Variants in AFF3 observed in about 807,000 individuals in gnomAD.
AFF3 encodes ALF transcription elongation factor 3.
In AFF3, 32 loss-of-function variants were observed where a neutral mutation model predicts 129.7. That is an observed-to-expected ratio of 0.25 (90% CI 0.19 to 0.33). The LOEUF (loss-of-function observed/expected upper bound fraction) is 0.33, where lower values mean the gene tolerates loss of function less well. AFF3 is among the 10% of genes least tolerant of loss of function. The probability of loss-of-function intolerance (pLI) is 1.00; values close to 1 mark genes in which losing one functional copy is unlikely to be tolerated. For synonymous variants in AFF3, 644 were observed against 635.4 expected, an observed-to-expected ratio of 1.01 and a Z score of -0.20; for missense variants, 1,373 against 1,592.0, an observed-to-expected ratio of 0.86 and a Z score of 2.34.
Position 100,006,911 on chromosome 2 carries a change from C to T in AFF3, c.594G>A (p.Arg198=). ...NVEVGLQTQE[R]PPAMAAKHSS... ...TGTGCTTGGCCGCCATGGCAGGTGG[C>T]CTCTCCTGGGTCTGAAGGCCCACCT... is the stretch of plus-strand genomic sequence containing the variant. Residue 198 remains arginine, a synonymous_variant, in exon 7 of 25, where the codon AGG becomes AGA. Transcript: ENST00000672756. The T allele has an allele frequency of 6.2e-7, 1 of 1,614,102 alleles. No homozygotes were observed. Among genetic ancestry groups the T allele is most frequent in the Non-Finnish European group, 8.5e-7 (1 of 1,180,016 alleles).
intron 4 of AFF3, among the ~76,000 whole-genome samples, chr2:100,021,087 T>G (rs767428828): frequency 2.0e-5 from 3 of 152,168 alleles, no homozygotes; most frequent in Non-Finnish European, 2.9e-5. Flanking sequence ...AAGGTCTCAC[T>G]TTAGTGATTT....
chr2:99,654,290 T>A (rs1480413850), intron 12 of AFF3, among the ~76,000 whole-genome samples: 4 of 152,042 alleles, frequency 2.6e-5, no homozygotes, highest in African/African-American at 4.8e-5. Context: ...AGAAGAGGAG[T>A]ATATGTCAGA....
chr2:99,660,065 T>C (rs531403765), intron 12 of AFF3, among the ~76,000 whole-genome samples: 1 of 152,210 alleles, frequency 6.6e-6, no homozygotes, highest in Non-Finnish European at 1.5e-5. Context: ...AGGTGGATAC[T>C]GGGATTAGTC....
At chr2:100,114,589 C>G (rs1006006486) in intron 2 of AFF3, among the ~76,000 whole-genome samples, 2 of 152,090 alleles carry the variant, frequency 1.3e-5, no homozygotes, top group South Asian at 2.1e-4. Flanking sequence ...ACCATGTTGG[C>G]CAGGCTGGTC....
chr2:99,630,477 G>A (rs2105383586), intron 13 of AFF3: 1 of 152,378 alleles, frequency 6.6e-6, no homozygotes. Context: ...GCTTTCACAT[G>A]GTTGGGGTAC....
intron 12 of AFF3, among the ~76,000 whole-genome samples, chr2:99,665,287 T>C (rs1237755925): frequency 6.6e-6 from 1 of 152,148 alleles, no homozygotes; most frequent in African/African-American, 2.4e-5. Context: ...GGGCAGGAAA[T>C]AGAAATACAA....
At chr2:99,829,299 A>G (rs568061027) in intron 8 of AFF3, among the ~76,000 whole-genome samples, 1 of 152,348 alleles carries the variant, frequency 6.6e-6, no homozygotes, top group East Asian at 1.9e-4. Context: ...ATCTAATTAA[A>G]CTAAAAAGCT....
chr2:99,747,792 A>G (rs1450655927), intron 9 of AFF3, among the ~76,000 whole-genome samples: 1 of 152,124 alleles, frequency 6.6e-6, no homozygotes, highest in Non-Finnish European at 1.5e-5. Flanking sequence ...CTTTGTCCCT[A>G]ATATATACTC....
At chr2:99,615,865 G>A (rs1448775682) in intron 13 of AFF3, among the ~76,000 whole-genome samples, 1 of 152,208 alleles carries the variant, frequency 6.6e-6, no homozygotes, top group Non-Finnish European at 1.5e-5. Context: ...AACTTCCTCT[G>A]TGTGCTCTCC....
intron 8 of AFF3, among the ~76,000 whole-genome samples, chr2:99,807,314 C>A (rs1490164615): frequency 6.6e-6 from 1 of 152,124 alleles, no homozygotes; most frequent in Non-Finnish European, 1.5e-5. Context: ...CTCCCGAAGT[C>A]TAATAAGATG....
chr2:100,048,273 T>C (rs1686001886), intron 4 of AFF3, among the ~76,000 whole-genome samples: 1 of 152,220 alleles, frequency 6.6e-6, no homozygotes, highest in South Asian at 2.1e-4. Context: ...TATAGAGAAT[T>C]TGAAAATGGG....
intron 3 of AFF3, chr2:100,105,263 C>T: frequency 1.7e-6 from 2 of 1,151,488 alleles, no homozygotes; most frequent in Non-Finnish European, 2.2e-6. Context: ...CGGGTGGGTG[C>T]GGGGGAATTC....
At chr2:99,659,932 A>G (rs192073822) in intron 12 of AFF3, among the ~76,000 whole-genome samples, 2 of 152,180 alleles carry the variant, frequency 1.3e-5, no homozygotes, top group African/African-American at 4.8e-5. Flanking sequence ...TGGCCTGCTC[A>G]TCTGGGCTTT....
intron 4 of AFF3, among the ~76,000 whole-genome samples, chr2:100,065,338 T>C (rs565585143): frequency 3.7e-4 from 57 of 152,310 alleles, no homozygotes; most frequent in Middle Eastern, 3.4e-3. Flanking sequence ...AGGGTTAACA[T>C]AAAAGAGTAC....
intron 7 of AFF3, among the ~76,000 whole-genome samples, chr2:99,976,450 C>G (rs1576465937): frequency 6.6e-6 from 1 of 152,172 alleles, no homozygotes; most frequent in African/African-American, 2.4e-5. Flanking sequence ...AGGTTCGTAG[C>G]ATTTATCAGA....
intron 12 of AFF3, among the ~76,000 whole-genome samples, chr2:99,651,569 G>A (rs942999395): frequency 1.3e-5 from 2 of 152,002 alleles, no homozygotes; most frequent in African/African-American, 4.8e-5. Context: ...AGCCTCCCAA[G>A]TAGCTGAGAT....
intron 11 of AFF3, among the ~76,000 whole-genome samples, chr2:99,690,530 G>A (rs1267733132): frequency 1.3e-5 from 2 of 152,110 alleles, no homozygotes; most frequent in African/African-American, 4.8e-5. Context: ...AAAAACAAAG[G>A]AATGGTTGGG....
chr2:99,709,311 C>T (rs1466323796), intron 11 of AFF3, among the ~76,000 whole-genome samples: 1 of 152,172 alleles, frequency 6.6e-6, no homozygotes, highest in Non-Finnish European at 1.5e-5. Context: ...AGTTTCCTAA[C>T]CTTTCTGTGC....
At chr2:100,129,344 A>G (rs559789657) in intron 1 of AFF3, 38 bp from the exon 2 acceptor site, 18 of 151,732 alleles carry the variant, frequency 1.2e-4, no homozygotes, top group South Asian at 1.0e-3. Context: ...AGGCAAAAAC[A>G]TCAGTTTAGT....
Sources: allele counts gnomAD v4.1 joint callset (sites outside exome capture counted in the v4.1 genomes callset), GRCh38; gene constraint gnomAD v4.1.1; transcripts MANE v1.5; gene names NCBI Gene and HGNC (gene_info 2026-07-23, HGNC 2026-07-21).